Variants in IFT25 observed in about 807,000 individuals in gnomAD.
The protein encoded by IFT25 is intraflagellar transport protein 25 homolog.
the IFT25 span, among the ~76,000 whole-genome samples, chr1:53,925,794 T>A: frequency 6.7e-6 from 1 of 150,092 alleles, no homozygotes; most frequent in African/African-American, 2.4e-5. Flanking sequence ...GATTTATCAA[T>A]TTTTTTTTTC....
chr1:53,928,413 G>T, the IFT25 span: 1 of 1,612,850 alleles, frequency 6.2e-7, no homozygotes, highest in Non-Finnish European at 8.5e-7. Flanking sequence ...CTCTTTAGAC[G>T]TGCTTTTTTC....
chr1:53,926,817 G>C, the IFT25 span, among the ~76,000 whole-genome samples: 31 of 151,906 alleles, frequency 2.0e-4, no homozygotes, highest in Admixed American at 1.8e-3. Flanking sequence ...CAACCTCCTG[G>C]GCTCAAGTGG....
the IFT25 span, among the ~76,000 whole-genome samples, chr1:53,919,695 C>A: frequency 3.9e-5 from 6 of 152,192 alleles, no homozygotes; most frequent in African/African-American, 1.4e-4. Context: ...AGATTCAGAT[C>A]CCTGCATTGT....
chr1:53,914,731 A>G, the IFT25 span, among the ~76,000 whole-genome samples: 1 of 152,206 alleles, frequency 6.6e-6, no homozygotes, highest in Admixed American at 6.5e-5. Flanking sequence ...CCAGAAGGCT[A>G]TCAGGGTCAA....
chr1:53,911,952 C>A, the IFT25 span, among the ~76,000 whole-genome samples: 5 of 152,088 alleles, frequency 3.3e-5, no homozygotes, highest in African/African-American at 9.7e-5. Flanking sequence ...TCCTCGGGCC[C>A]TTTTTTGGGG....
At chr1:53,946,006 C>T in the IFT25 span, 1 of 152,294 alleles carries the variant, frequency 6.6e-6, no homozygotes, top group Non-Finnish European at 1.5e-5. Flanking sequence ...TCGGCCCCTC[C>T]TACCCCTAGC....
chr1:53,941,983 T>G, the IFT25 span, among the ~76,000 whole-genome samples: 1 of 152,186 alleles, frequency 6.6e-6, no homozygotes, highest in African/African-American at 2.4e-5. Flanking sequence ...GTGGCTATAC[T>G]CAAAGAATGA....
the IFT25 span, among the ~76,000 whole-genome samples, chr1:53,919,110 A>G: frequency 6.6e-6 from 1 of 151,474 alleles, no homozygotes; most frequent in East Asian, 1.9e-4. Context: ...AAGTGCTGGG[A>G]TTACAGTCAT....
the IFT25 span, among the ~76,000 whole-genome samples, chr1:53,915,669 AG>A: frequency 6.6e-6 from 1 of 152,202 alleles, no homozygotes; most frequent in Non-Finnish European, 1.5e-5. Context: ...GGCCAGAGAA[AG>A]GCTTATTGAG....
chr1:53,929,756 A>T, the IFT25 span: 2 of 284,864 alleles, frequency 7.0e-6, no homozygotes, highest in Non-Finnish European at 1.2e-5. Flanking sequence ...AAAGACTTTT[A>T]CATAGTAAAT....
At chr1:53,924,950 TTC>T in the IFT25 span, among the ~76,000 whole-genome samples, 2 of 152,238 alleles carry the variant, frequency 1.3e-5, no homozygotes, top group South Asian at 2.1e-4. Flanking sequence ...GTCTCTGTGT[TTC>T]TGTTTCCTAA....
At chr1:53,944,156 G>C in the IFT25 span, among the ~76,000 whole-genome samples, 5 of 152,138 alleles carry the variant, frequency 3.3e-5, no homozygotes, top group African/African-American at 7.2e-5. Flanking sequence ...GCAGAGACTT[G>C]GTTTTCTTTA....
the IFT25 span, among the ~76,000 whole-genome samples, chr1:53,922,131 A>T: frequency 2.0e-5 from 3 of 152,332 alleles, no homozygotes; most frequent in South Asian, 6.2e-4. Flanking sequence ...TCAGTGGCTC[A>T]CACCTGTAAT....
the IFT25 span, among the ~76,000 whole-genome samples, chr1:53,933,945 C>G: frequency 1.3e-5 from 2 of 152,170 alleles, no homozygotes; most frequent in Non-Finnish European, 1.5e-5. Flanking sequence ...TCAATTTACA[C>G]TGAACATCAC....
At chr1:53,940,080 C>T in the IFT25 span, 1 of 1,575,690 alleles carries the variant, frequency 6.3e-7, no homozygotes, top group Non-Finnish European at 8.7e-7. Context: ...CAATTTTTCT[C>T]ATCTTAAAGT....
the IFT25 span, among the ~76,000 whole-genome samples, chr1:53,920,708 T>C: frequency 6.6e-6 from 1 of 152,230 alleles, no homozygotes; most frequent in Non-Finnish European, 1.5e-5. Flanking sequence ...GGCTCACGCC[T>C]GCAAACCCAA....
At chr1:53,939,410 G>C in the IFT25 span, among the ~76,000 whole-genome samples, 2 of 150,442 alleles carry the variant, frequency 1.3e-5, no homozygotes, top group Non-Finnish European at 3.0e-5. Flanking sequence ...AAAAAAAAAG[G>C]AGTCCTCCCA....
At chr1:53,917,841 A>AT in the IFT25 span, among the ~76,000 whole-genome samples, 1 of 152,106 alleles carries the variant, frequency 6.6e-6, no homozygotes, top group African/African-American at 2.4e-5. Context: ...AAAGAAAAAA[A>AT]AAAAGTCATT....
the IFT25 span, among the ~76,000 whole-genome samples, chr1:53,912,847 C>T: frequency 2.6e-5 from 4 of 152,164 alleles, no homozygotes; most frequent in Admixed American, 6.5e-5. Flanking sequence ...GTTCTCATCT[C>T]CAGAGTTTAC....
Sources: allele counts gnomAD v4.1 joint callset (sites outside exome capture counted in the v4.1 genomes callset), GRCh38; gene constraint gnomAD v4.1.1; transcripts MANE v1.5; gene names NCBI Gene and HGNC (gene_info 2026-07-23, HGNC 2026-07-21).